Variants in NDUFA10 observed in about 807,000 individuals in gnomAD.
NDUFA10 encodes the protein NADH dehydrogenase [ubiquinone] 1 alpha subcomplex subunit 10, mitochondrial.
Under a neutral mutation model 47.8 loss-of-function variants are expected in NDUFA10, and 40 were observed. The observed-to-expected ratio is 0.84, with a 90% CI of 0.65 to 1.09. NDUFA10 has a LOEUF of 1.09. Ranked by LOEUF, NDUFA10 falls within the 50% of genes least tolerant of loss-of-function variation. NDUFA10 has a pLI of 0.00. For synonymous variants in NDUFA10, 183 were observed against 172.2 expected (o/e 1.06, Z -0.49); for missense variants, 413 against 451.1 (o/e 0.92, Z 0.76).
intron 9 of NDUFA10, chr2:239,983,785 T>TA: frequency 6.6e-7 from 1 of 1,516,794 alleles, no homozygotes; most frequent in South Asian, 1.2e-5. Flanking sequence ...CACTCCTTAT[T>TA]AAAAACAAAG....
rs1174485446 is a variant in NDUFA10, at chr2:239,959,523, G to A, written c.*1595C>T. The A allele has an allele frequency of 1.0e-6, 1 of 985,344 alleles. No individual in the cohort carries two copies. The highest frequency in any genetic ancestry group is 1.2e-6 in the Non-Finnish European group (1 of 829,954). 61.0% of individuals were successfully genotyped at this position (985,344 alleles called of 1,614,324 possible). On this transcript the variant is annotated 3_prime_UTR_variant, in exon 10 of 10. Transcript: ENST00000252711. ...GCTGTGCTTTCATTTCATGATTAAA[G>A]CTGTTGGTTTCCTAGTGAAATGCAA...
chr2:240,025,164 T>TGCGC, intron 1 of NDUFA10, 63 bp downstream of exon 1: 1 of 594,916 alleles, frequency 1.7e-6, no homozygotes, highest in Non-Finnish European at 2.7e-6. Flanking sequence ...GTGGAACTGC[T>TGCGC]CCCCACCCCG....
chr2:239,924,777 T>C (rs1694042190), intron 4 of NDUFA10, among the ~76,000 whole-genome samples: 1 of 152,142 alleles, frequency 6.6e-6, no homozygotes, highest in Admixed American at 6.5e-5. Context: ...TCTTCTTATT[T>C]GCAGATGACA....
At chr2:239,990,262 A>T in intron 8 of NDUFA10, 80 bp from the exon 9 acceptor site, 1 of 1,112,572 alleles carries the variant, frequency 9.0e-7, no homozygotes, top group Non-Finnish European at 1.4e-6. Flanking sequence ...GATTTTTTTT[A>T]AACATCCATA....
chr2:239,960,380 G>C lies in NDUFA10; in HGVS notation c.*738C>G, dbSNP rs1694800711. ...AACTTGATTTTCTGGGTAATAAAGA[G>C]AGTATATTATTTTGCTTTTGCATCT... On this transcript the variant is annotated 3_prime_UTR_variant, in exon 10 of 10. Coordinates refer to ENST00000252711, the MANE Select transcript of NDUFA10 (RefSeq NM_004544.4). 1.0e-6 allele frequency: 1 copy of C among 985,736 alleles called. No homozygotes were observed. The highest frequency in any genetic ancestry group is 1.2e-6 in the Non-Finnish European group (1 of 830,164). 61.1% of individuals were successfully genotyped at this position (985,736 alleles called of 1,614,324 possible). A position where few individuals can be genotyped will look rare whatever the true frequency, so the allele number is the denominator to read the frequency against.
intron 8 of NDUFA10, among the ~76,000 whole-genome samples, chr2:239,999,619 G>A (rs77513498): frequency 0.076 from 11,617 of 152,252 alleles, 527 homozygotes; most frequent in Admixed American, 0.13. Flanking sequence ...TCACCATCCT[G>A]TTGCTTCCCT....
chr2:239,975,039 T>G (rs1207844694), intron 9 of NDUFA10, among the ~76,000 whole-genome samples: 1 of 137,410 alleles, frequency 7.3e-6, no homozygotes, highest in East Asian at 2.2e-4. Flanking sequence ...TTTAAAAATA[T>G]GTGACAGACA....
chr2:239,992,315 C>T (rs1344805946), intron 8 of NDUFA10, among the ~76,000 whole-genome samples: 3 of 152,134 alleles, frequency 2.0e-5, no homozygotes. Flanking sequence ...ATATGAGGTG[C>T]TGGGACACGT....
chr2:239,895,203 AC>A lies in NDUFA10; in HGVS notation c.*14+1del. The A allele has an allele frequency of 2.2e-6, 1 of 457,286 alleles. No individual in the cohort carries two copies. Among genetic ancestry groups the A allele is most frequent in the Non-Finnish European group, 4.5e-6 (1 of 219,820 alleles). The allele number at this position is 457,286 out of a possible 1,614,324, so 28.3% of individuals were successfully genotyped here. A position where few individuals can be genotyped will look rare whatever the true frequency, so the allele number is the denominator to read the frequency against. On this transcript the variant is annotated splice_donor_variant, in intron 5 of 5. Coordinates refer to the NDUFA10 transcript ENST00000419408. LOFTEE classifies it low-confidence loss of function (3UTR_SPLICE). ...GCCAGGCCTCTGCCCCAACTCACTT[AC>A]CTATTCCCAGGCACTTAGGAGTCTT...
intron 5 of NDUFA10, chr2:240,013,803 G>C (rs181895353): frequency 2.6e-5 from 4 of 152,252 alleles, no homozygotes; most frequent in Non-Finnish European, 4.4e-5. Context: ...ATGGGCATCA[G>C]AGTGAGGAAC....
chr2:240,011,838 A>T, intron 5 of NDUFA10, 142 bp from the exon 6 acceptor site: 1 of 735,500 alleles, frequency 1.4e-6, no homozygotes, highest in East Asian at 2.7e-5. Flanking sequence ...GCGGGGTGAC[A>T]GCAAAGGGTC....
At chr2:239,925,322 G>T (rs942377635) in intron 4 of NDUFA10, among the ~76,000 whole-genome samples, 1 of 152,136 alleles carries the variant, frequency 6.6e-6, no homozygotes, top group African/African-American at 2.4e-5. Flanking sequence ...AGACTATAGA[G>T]AAACAGAGAG....
intron 4 of NDUFA10, among the ~76,000 whole-genome samples, chr2:239,950,456 G>A (rs538283302): frequency 6.6e-6 from 1 of 152,254 alleles, no homozygotes; most frequent in East Asian, 1.9e-4. Flanking sequence ...CTGAGGAACG[G>A]TTCCTCCTTG....
chr2:240,012,184 G>A (rs549029488), intron 5 of NDUFA10: 4 of 202,348 alleles, frequency 2.0e-5, no homozygotes, highest in South Asian at 9.2e-5. Flanking sequence ...CACTTTCTAC[G>A]GCTGTCACCT....
rs539213607 is a variant in NDUFA10 at position 239,995,383 on chromosome 2, T to C, written c.891-5201A>G. On this transcript the variant is annotated intron_variant, in intron 8 of 9. Transcript: ENST00000252711. ...GCAGCCCCATGGAGCAGCAGCACCA[T>C]CACGAAGTAGACCTAGATGGGTTGT... 1.4e-4 allele frequency among the ~76,000 whole-genome samples: 21 copies of C among 152,244 alleles called. No homozygotes were observed. In the South Asian group the frequency reaches 4.3e-3, roughly 32 times the overall value.
intron 9 of NDUFA10, among the ~76,000 whole-genome samples, chr2:239,980,248 A>G (rs1478858331): frequency 2.0e-5 from 3 of 152,234 alleles, no homozygotes; most frequent in Non-Finnish European, 4.4e-5. Context: ...AATCAGGGCT[A>G]AGTGCAGAAG....
rs141242492 is a variant in NDUFA10 at position 239,973,907 on chromosome 2, C to A, written c.1000-12721G>T. Among the ~76,000 whole-genome samples the A allele has an allele frequency of 2.7e-3, 404 of 152,162 alleles. 1 individual carries two copies. Among genetic ancestry groups the A allele is most frequent in the Middle Eastern group, 6.8e-3 (2 of 294 alleles). Reference sequence around the variant, plus strand: ...AGGTACACATGCCCCACTGAAAATGCTGCTTTACTTATTTATTTTTATTTA... The same window carrying A: ...AGGTACACATGCCCCACTGAAAATGATGCTTTACTTATTTATTTTTATTTA... On this transcript the variant is annotated intron_variant, in intron 9 of 9. Transcript: ENST00000252711.
chr2:239,899,793 G>A (rs1355467382), intron 4 of NDUFA10, among the ~76,000 whole-genome samples: 4 of 151,644 alleles, frequency 2.6e-5, no homozygotes, highest in East Asian at 1.9e-4. Flanking sequence ...AGAATTCCAC[G>A]ACCTGCAGCA....
chr2:239,972,195 A>G (rs1381374044), intron 9 of NDUFA10, among the ~76,000 whole-genome samples: 1 of 152,022 alleles, frequency 6.6e-6, no homozygotes, highest in Non-Finnish European at 1.5e-5. Context: ...ATTTGTAAAT[A>G]TATTGATAAA....
Sources: allele counts gnomAD v4.1 joint callset (sites outside exome capture counted in the v4.1 genomes callset), GRCh38; gene constraint gnomAD v4.1.1; transcripts MANE v1.5; gene names NCBI Gene and HGNC (gene_info 2026-07-23, HGNC 2026-07-21).